Variants in OSBP2 observed in about 807,000 individuals in gnomAD.
OSBP2 encodes the protein oxysterol-binding protein 2.
Under a neutral mutation model 96.0 loss-of-function variants are expected in OSBP2, and 66 were observed. The ratio of observed to expected loss-of-function variants is 0.69; its 90% CI spans 0.56 to 0.84. The LOEUF (loss-of-function observed/expected upper bound fraction) is 0.84. Ranked by LOEUF, OSBP2 falls within the 40% of genes least tolerant of loss-of-function variation. The pLI, the probability that OSBP2 is intolerant of heterozygous loss-of-function variation, is 0.00. For missense variants in OSBP2, 1,038 were observed against 1,222.7 expected, an observed-to-expected ratio of 0.85 and a Z score of 2.25; for synonymous variants, 525 against 520.9, an observed-to-expected ratio of 1.01 and a Z score of -0.11.
chr22:30,757,197 C>A (rs2090152184), intron 2 of OSBP2, among the ~76,000 whole-genome samples: 1 of 152,112 alleles, frequency 6.6e-6, no homozygotes, highest in Non-Finnish European at 1.5e-5. Flanking sequence ...CTGCCTCCTG[C>A]CACACTGCAA....
In OSBP2 at chr22:30,902,444, CAGAAGGCAGAAAACAAGATAA is replaced by C. The variant is rs2040234919; in HGVS notation, c.2376-3390_2376-3370del. On this transcript the variant is annotated intron_variant, in intron 12 of 13. Coordinates refer to ENST00000332585, the MANE Select transcript of OSBP2 (RefSeq NM_030758.4). Reference sequence around the variant, plus strand: ...AATCAGTCACTTCATGTGGACATTGCAGAAGGCAGAAAACAAGATAAAGGTGGCTTTGGATTCAGAAAAGGT... The same window carrying C: ...AATCAGTCACTTCATGTGGACATTGCAGGTGGCTTTGGATTCAGAAAAGGT... 1.1e-5 allele frequency: 18 copies of C among 1,585,258 alleles called. No individual in the cohort carries two copies. In the South Asian group the frequency reaches 2.0e-4, roughly 18 times the overall value.
intron 1 of OSBP2, among the ~76,000 whole-genome samples, chr22:30,723,831 G>A (rs61537428): frequency 0.13 from 19,823 of 152,050 alleles, 1,998 homozygotes; most frequent in East Asian, 0.38. Flanking sequence ...ATCGTCCCCC[G>A]TTACCAACAT....
intron 2 of OSBP2, among the ~76,000 whole-genome samples, chr22:30,755,031 T>G (rs1177879270): frequency 1.3e-5 from 2 of 152,246 alleles, no homozygotes; most frequent in Non-Finnish European, 2.9e-5. Context: ...TCTTTCTTGC[T>G]GGGACCCTAT....
intron 3 of OSBP2, among the ~76,000 whole-genome samples, chr22:30,875,985 C>T (rs908444778): frequency 6.6e-6 from 1 of 152,232 alleles, no homozygotes; most frequent in Non-Finnish European, 1.5e-5. Context: ...CCAGGGCCGC[C>T]AGCTCACATG....
At chr22:30,901,447 G>T (rs1333759092) in intron 12 of OSBP2, among the ~76,000 whole-genome samples, 1 of 152,146 alleles carries the variant, frequency 6.6e-6, no homozygotes, top group African/African-American at 2.4e-5. Flanking sequence ...GAATTTTGCA[G>T]AAAAAACATA....
At chr22:30,878,193 C>T (rs1052252843) in intron 3 of OSBP2, among the ~76,000 whole-genome samples, 3 of 150,964 alleles carry the variant, frequency 2.0e-5, no homozygotes, top group African/African-American at 7.5e-5. Context: ...ACAAAGGACT[C>T]AATGCCAAGT....
rs2039464937 is a variant in OSBP2, at chr22:30,871,780, GCAGGCCAAGAGCC to G, written c.1107+1104_1107+1116del. On this transcript the variant is annotated intron_variant, in intron 3 of 13. Coordinates refer to ENST00000332585, the MANE Select transcript of OSBP2 (RefSeq NM_030758.4). The surrounding 1 kb of genome is among the most constrained non-coding windows in gnomAD (Gnocchi z 4.7). ...GGGAAGATAGAGGCTGGAGCTCACCGCAGGCCAAGAGCCCAGGCTAAAACCTGGGCATCCAAGA... is the reference window on the plus strand; with the variant it reads ...GGGAAGATAGAGGCTGGAGCTCACCGCAGGCTAAAACCTGGGCATCCAAGA... Among the ~76,000 whole-genome samples, 1 of 152,192 alleles carries G rather than the reference GCAGGCCAAGAGCC, an allele frequency of 6.6e-6. No homozygotes were observed. Among genetic ancestry groups the G allele is most frequent in the Non-Finnish European group, 1.5e-5 (1 of 68,040 alleles).
Position 30,767,352 on chromosome 22 carries a change from G to T in OSBP2, c.853+25983G>T, listed in dbSNP as rs1202819778. ...GTTGTTATACAAAATAAACAGAAGT[G>T]AACAGAAGACTCTCAGGAATCGTCA... On this transcript the variant is annotated intron_variant, in intron 2 of 13. Coordinates refer to ENST00000332585, the MANE Select transcript of OSBP2 (RefSeq NM_030758.4). Among the ~76,000 whole-genome samples, 6 of 151,638 alleles carry T rather than the reference G, an allele frequency of 4.0e-5. No individual in the cohort carries two copies. In the East Asian group the frequency reaches 1.2e-3, roughly 29 times the overall value.
intron 2 of OSBP2, among the ~76,000 whole-genome samples, chr22:30,837,341 G>A (rs528409550): frequency 2.0e-5 from 3 of 152,034 alleles, no homozygotes; most frequent in Non-Finnish European, 2.9e-5. Context: ...ACTGGGGGTA[G>A]AGAAGTGGTT....
Position 30,788,149 on chromosome 22 carries a change from G to A in OSBP2, c.853+46780G>A, listed in dbSNP as rs184248304. On this transcript the variant is annotated intron_variant, in intron 2 of 13. Coordinates refer to ENST00000332585, the MANE Select transcript of OSBP2 (RefSeq NM_030758.4). ...TTGTGAGGATGTGTGAAGTGTCAGC[G>A]CCATACCTGGTCCATATGGCCTCAG... Among the ~76,000 whole-genome samples the A allele has an allele frequency of 3.9e-5, 6 of 152,230 alleles. No homozygotes were observed. The South Asian group carries it at 8.3e-4, about 21-fold the overall frequency.
chr22:30,901,212 G>C (rs551766219), intron 12 of OSBP2, among the ~76,000 whole-genome samples: 1 of 152,102 alleles, frequency 6.6e-6, no homozygotes, highest in East Asian at 1.9e-4. Flanking sequence ...GGGATTACAG[G>C]TGTGCGCCAC....
chr22:30,762,107 G>C (rs1396789044), intron 2 of OSBP2, among the ~76,000 whole-genome samples: 2 of 152,022 alleles, frequency 1.3e-5, no homozygotes. Flanking sequence ...TGTAGTCTCA[G>C]CTATTTGGAG....
intron 2 of OSBP2, among the ~76,000 whole-genome samples, chr22:30,862,744 T>C (rs879877837): frequency 1.3e-5 from 2 of 151,312 alleles, no homozygotes; most frequent in Non-Finnish European, 2.9e-5. Flanking sequence ...GAGGCTAAGG[T>C]GGGTGGATCA....
intron 3 of OSBP2, among the ~76,000 whole-genome samples, chr22:30,879,871 G>C (rs1485009639): frequency 6.6e-6 from 1 of 152,176 alleles, no homozygotes. Context: ...GGCCAACATA[G>C]TGAAACCCTG....
At chr22:30,873,352 C>T (rs867544961) in intron 3 of OSBP2, among the ~76,000 whole-genome samples, 3 of 152,146 alleles carry the variant, frequency 2.0e-5, no homozygotes, top group East Asian at 1.9e-4. Flanking sequence ...GCACCCTGGG[C>T]GGGATCCCAA....
Position 30,875,460 on chromosome 22 carries a change from C to T in OSBP2, c.1107+4778C>T, listed in dbSNP as rs5997797. ...TGATCTTGGCTCACCACAACCTCGG[C>T]CTCCCAGGTTCAAGCTATTCTCTTG... On this transcript the variant is annotated intron_variant, in intron 3 of 13. Transcript: ENST00000332585. 2.3e-3 allele frequency among the ~76,000 whole-genome samples: 355 copies of T among 152,132 alleles called. 2 individuals are homozygous for T. The highest frequency in any genetic ancestry group is 8.1e-3 in the African/African-American group (338 of 41,506).
chr22:30,778,888 T>C (rs2090474300), intron 2 of OSBP2, among the ~76,000 whole-genome samples: 1 of 151,206 alleles, frequency 6.6e-6, no homozygotes, highest in Non-Finnish European at 1.5e-5. Flanking sequence ...ATACAAAAAT[T>C]AGCCAGATAT....
chr22:30,887,203 C>T (rs1207989793), intron 3 of OSBP2, among the ~76,000 whole-genome samples: 3 of 152,100 alleles, frequency 2.0e-5, no homozygotes, highest in African/African-American at 7.2e-5. Flanking sequence ...TTGGCCGGCT[C>T]CTTTACTGCA....
At chr22:30,823,984 A>G (rs2038341296) in intron 2 of OSBP2, among the ~76,000 whole-genome samples, 1 of 152,090 alleles carries the variant, frequency 6.6e-6, no homozygotes, top group Admixed American at 6.5e-5. Flanking sequence ...AAGAAAAGAC[A>G]TTGTTTTTTT....
Sources: gnomAD v4.1 joint callset for allele counts (sites outside exome capture counted in the v4.1 genomes callset) on GRCh38, gnomAD v4.1.1 for gene constraint, Gnocchi (gnomAD v3.1) non-coding constraint, MANE v1.5 for transcripts, NCBI Gene and HGNC (gene_info 2026-07-23, HGNC 2026-07-21) for gene names.